KANSL1L: variants seen among roughly 807,000 people sequenced by gnomAD.
KANSL1L encodes KAT8 regulatory NSL complex subunit 1 like.
KANSL1L carries 25 observed loss-of-function variants against 108.6 expected under a neutral mutation model. The ratio of observed to expected loss-of-function variants is 0.23; its 90% CI spans 0.17 to 0.32. The LOEUF is 0.32. Among genes scored for constraint, KANSL1L ranks in the 10% least tolerant of loss-of-function variants. The pLI, the probability that KANSL1L is intolerant of heterozygous loss-of-function variation, is 1.00. For synonymous variants in KANSL1L, 405 were observed against 395.1 expected, an observed-to-expected ratio of 1.03 and a Z score of -0.30; for missense variants, 1,137 against 1,125.7, an observed-to-expected ratio of 1.01 and a Z score of -0.14.
chr2:210,154,201 G>C lies in KANSL1L; in HGVS notation c.382C>G (p.His128Asp), dbSNP rs1205811706. 1 of 1,614,030 alleles carries C rather than the reference G, an allele frequency of 6.2e-7. No homozygotes were observed. The highest frequency in any genetic ancestry group is 1.7e-5 in the Admixed American group (1 of 60,016). The part of the protein sequence containing the change: ...NIQLSKICLS[H>D]SEEFIKKEPL... ...TCCTTTTTGATGAACTCTTCAGAAT[G>C]AGAAAGACAGATTTTACTGAGCTGA... The change falls in exon 2 of 15, where the codon CAT becomes GAT. Residue 128 changes from histidine to aspartate, a missense_variant. By Grantham distance (81) the His-to-Asp change is moderately conservative. Transcript: ENST00000281772.
chr2:210,103,136 C>A, intron 4 of KANSL1L, among the ~76,000 whole-genome samples: 1 of 152,046 alleles, frequency 6.6e-6, no homozygotes, highest in Admixed American at 6.5e-5. Context: ...ACTATGTAGC[C>A]ATAAAAAAGG....
At chr2:210,125,253 T>C (rs2095055917) in intron 3 of KANSL1L, among the ~76,000 whole-genome samples, 1 of 151,568 alleles carries the variant, frequency 6.6e-6, no homozygotes, top group African/African-American at 2.4e-5. Flanking sequence ...AAACTCCAAC[T>C]CAAAAGAAAA....
rs368018718 is a variant in KANSL1L at position 210,021,998 on chromosome 2, A to T, written c.*951T>A. 5.4e-5 allele frequency: 8 copies of T among 148,478 alleles called. No homozygotes were observed. The East Asian group carries it at 1.6e-3, about 29-fold the overall frequency. The allele number at this position is 148,478 out of a possible 1,614,324, so 9.2% of individuals were successfully genotyped here. On this transcript the variant is annotated 3_prime_UTR_variant, in exon 15 of 15. Transcript: ENST00000281772. The stretch of plus-strand genomic sequence containing the variant: ...AATTTCTTGCTAATCTAGAAATACA[A>T]TCATCTTTTTTTTTTTTTTCAAATT...
intron 6 of KANSL1L, among the ~76,000 whole-genome samples, chr2:210,074,644 C>T (rs778392770): frequency 5.3e-5 from 8 of 152,152 alleles, no homozygotes; most frequent in African/African-American, 9.7e-5. Flanking sequence ...AATAAGCCAC[C>T]GTGCCGGGCA....
chr2:210,138,920 G>A (rs948651925), intron 2 of KANSL1L, among the ~76,000 whole-genome samples: 5 of 151,838 alleles, frequency 3.3e-5, no homozygotes, highest in South Asian at 2.1e-4. Context: ...ACAACATGGC[G>A]AAACCCCGCC....
intron 5 of KANSL1L, chr2:210,079,672 G>GTATATA (rs1343715938): frequency 5.1e-4 from 13 of 25,520 alleles, no homozygotes; most frequent in East Asian, 1.2e-3. Flanking sequence ...ATATGTATGT[G>GTATATA]TGTATATATA....
chr2:210,115,162 C>T (rs1197627525), intron 3 of KANSL1L, among the ~76,000 whole-genome samples: 1 of 152,022 alleles, frequency 6.6e-6, no homozygotes, highest in African/African-American at 2.4e-5. Flanking sequence ...GATAAAAACA[C>T]AGAATCCAAC....
At chr2:210,135,857 T>G (rs1352068422) in intron 2 of KANSL1L, among the ~76,000 whole-genome samples, 1 of 152,168 alleles carries the variant, frequency 6.6e-6, no homozygotes, top group African/African-American at 2.4e-5. Flanking sequence ...AAGTTCTCAT[T>G]TAAAATGTTC....
chr2:210,123,235 T>C (rs1234336184), intron 3 of KANSL1L, among the ~76,000 whole-genome samples: 2 of 152,192 alleles, frequency 1.3e-5, no homozygotes, highest in Non-Finnish European at 2.9e-5. Flanking sequence ...TGCACCCTTA[T>C]GTTTATGGCA....
At chr2:210,038,176 T>C (rs1456674268) in intron 8 of KANSL1L, among the ~76,000 whole-genome samples, 5 of 152,020 alleles carry the variant, frequency 3.3e-5, no homozygotes, top group Non-Finnish European at 2.9e-5. Flanking sequence ...AAAAACATGT[T>C]AAGATGAATA....
intron 3 of KANSL1L, among the ~76,000 whole-genome samples, chr2:210,117,462 C>T (rs183850099): frequency 9.2e-4 from 139 of 151,564 alleles, no homozygotes; most frequent in Middle Eastern, 6.8e-3. Context: ...AATCAAACAC[C>T]CAAAGGGAGG....
At chr2:210,116,871 C>T (rs180732800) in intron 3 of KANSL1L, among the ~76,000 whole-genome samples, 27 of 152,290 alleles carry the variant, frequency 1.8e-4, no homozygotes, top group African/African-American at 6.5e-4. Context: ...CCCAGGAACA[C>T]ATGGCCTCAC....
chr2:210,156,876 T>C (rs2095336455), intron 1 of KANSL1L, among the ~76,000 whole-genome samples: 1 of 152,038 alleles, frequency 6.6e-6, no homozygotes, highest in Non-Finnish European at 1.5e-5. Context: ...CACTTTATTG[T>C]ATAATGTCTC....
In KANSL1L at chr2:210,154,370, A is replaced by C. The variant is rs575499571; in HGVS notation, c.213T>G (p.Pro71=). The C allele has an allele frequency of 6.2e-7, 1 of 1,611,012 alleles. No homozygotes were observed. The highest frequency in any genetic ancestry group is 1.3e-5 in the African/African-American group (1 of 74,798). Residue 71 remains proline, a synonymous_variant, in exon 2 of 15, where the codon CCT becomes CCG. Transcript: ENST00000281772. Reference sequence around the variant, plus strand: ...CAGTCTGGTAATGTTTTGAAGACTGAGGGGAGCCAAAATGTTTTAAATTCA... The same window carrying C: ...CAGTCTGGTAATGTTTTGAAGACTGCGGGGAGCCAAAATGTTTTAAATTCA... ...NFVNLKHFGS[P]QSSKHYQTVF... is the part of the protein sequence containing the mutation.
At chr2:210,095,595 T>C (rs2094728577) in intron 5 of KANSL1L, among the ~76,000 whole-genome samples, 1 of 152,154 alleles carries the variant, frequency 6.6e-6, no homozygotes, top group Admixed American at 6.5e-5. Context: ...ATACATATTA[T>C]CACAAATTGT....
In KANSL1L at chr2:210,105,649, A is replaced by G. The variant is rs1010228926; in HGVS notation, c.1231-1348T>C. The stretch of plus-strand genomic sequence containing the variant: ...TTACACTATGTAATTTAGAGAATAT[A>G]TAACTTTAGAATGCACATATTCAGT... On this transcript the variant is annotated intron_variant, in intron 3 of 14. Coordinates refer to ENST00000281772, the MANE Select transcript of KANSL1L (RefSeq NM_152519.4). Among the ~76,000 whole-genome samples, 4 of 151,870 alleles carry G rather than the reference A, an allele frequency of 2.6e-5. 1 individual carries two copies. The highest frequency in any genetic ancestry group is 4.1e-4 in the South Asian group (2 of 4,824).
Position 210,105,510 on chromosome 2 carries a change from T to C in KANSL1L, c.1231-1209A>G, listed in dbSNP as rs973557520. 2.0e-5 allele frequency among the ~76,000 whole-genome samples: 3 copies of C among 151,460 alleles called. No individual in the cohort carries two copies. The East Asian group carries it at 5.8e-4, about 29-fold the overall frequency. On this transcript the variant is annotated intron_variant, in intron 3 of 14. Coordinates refer to ENST00000281772, the MANE Select transcript of KANSL1L (RefSeq NM_152519.4). ...TAACATTAATATTAGTGTGCATTAT[T>C]TCAAAAATGGAATGAATTAAATGAT...
Position 210,114,000 on chromosome 2 carries a change from C to G in KANSL1L, c.1231-9699G>C, listed in dbSNP as rs111330227. Among the ~76,000 whole-genome samples the G allele has an allele frequency of 7.2e-3, 1,092 of 152,224 alleles. 12 individuals are homozygous for G. The highest frequency in any genetic ancestry group is 0.025 in the African/African-American group (1,046 of 41,552). Reference sequence around the variant, plus strand: ...GAGTTCCAGAAAAAGAAGAGAAAGACAGGCAGAGAGAATATTTGAAGAAAT... The same window carrying G: ...GAGTTCCAGAAAAAGAAGAGAAAGAGAGGCAGAGAGAATATTTGAAGAAAT... On this transcript the variant is annotated intron_variant, in intron 3 of 14. Coordinates refer to ENST00000281772, the MANE Select transcript of KANSL1L (RefSeq NM_152519.4).
At position 210,117,543 on chromosome 2, in the gene KANSL1L, T is replaced by C. The variant is rs547443655; in HGVS notation, c.1230+11488A>G. ...TACAAAGGAGCTCCAATATGTCTGG[T>C]AGCAGACTTCTCAGGGGAAACCTTA... On this transcript the variant is annotated intron_variant, in intron 3 of 14. Transcript: ENST00000281772. 2.4e-4 allele frequency among the ~76,000 whole-genome samples: 37 copies of C among 152,260 alleles called. No individual in the cohort carries two copies. The Middle Eastern group carries it at 0.01, about 42-fold the overall frequency.
Sources: gnomAD v4.1 joint callset for allele counts (sites outside exome capture counted in the v4.1 genomes callset) on GRCh38, gnomAD v4.1.1 for gene constraint, MANE v1.5 for transcripts, NCBI Gene and HGNC (gene_info 2026-07-23, HGNC 2026-07-21) for gene names.